CFAP52: variants seen among roughly 807,000 people sequenced by gnomAD.
The protein encoded by CFAP52 is cilia- and flagella-associated protein 52.
Under a neutral mutation model 70.5 loss-of-function variants are expected in CFAP52, and 57 were observed. The observed-to-expected ratio is 0.81, with a 90% CI of 0.65 to 1.01. The LOEUF is 1.01. Among genes scored for constraint, CFAP52 ranks in the 50% least tolerant of loss-of-function variants. CFAP52 has a pLI of 0.00. For missense variants in CFAP52, 785 were observed against 788.5 expected (o/e 1.00, Z 0.05); for synonymous variants, 267 against 292.5 (o/e 0.91, Z 0.89).
intron 7 of CFAP52, among the ~76,000 whole-genome samples, chr17:9,608,725 A>G (rs544040172): frequency 9.2e-5 from 14 of 152,318 alleles, no homozygotes; most frequent in African/African-American, 3.4e-4. Flanking sequence ...TGGCTCATTT[A>G]ATTAAAATAA....
At chr17:9,614,808 C>T (rs990628259) in intron 8 of CFAP52, among the ~76,000 whole-genome samples, 13 of 152,138 alleles carry the variant, frequency 8.5e-5, no homozygotes, top group African/African-American at 2.7e-4. Flanking sequence ...GCAATTATGA[C>T]GACCAAAAAA....
chr17:9,628,606 G>T (rs769230477), intron 8 of CFAP52, 66 bp from the exon 9 acceptor site: 225 of 1,571,012 alleles, frequency 1.4e-4, no homozygotes, highest in Admixed American at 3.6e-4. Flanking sequence ...AACACATTTT[G>T]GTGTCAAATA....
At chr17:9,616,048 C>G (rs938701572) in intron 8 of CFAP52, among the ~76,000 whole-genome samples, 1 of 150,904 alleles carries the variant, frequency 6.6e-6, no homozygotes, top group Admixed American at 6.6e-5. Context: ...GCGTGAGCGA[C>G]GCAGAAGACG....
intron 1 of CFAP52, among the ~76,000 whole-genome samples, chr17:9,579,658 C>T (rs1462986662): frequency 6.6e-6 from 1 of 152,222 alleles, no homozygotes; most frequent in Non-Finnish European, 1.5e-5. Flanking sequence ...ACCTCTGCCT[C>T]ATGGGTTCAA....
At position 9,643,034 on chromosome 17, in the gene CFAP52, C is replaced by T. The variant is rs1322240234; in HGVS notation, c.1699C>T (p.His567Tyr). The change falls in exon 14 of 14, where the codon CAT (histidine) becomes TAT (tyrosine). Residue 567 changes from histidine (H) to tyrosine (Y), a missense_variant. Transcript: ENST00000352665. ...TTTATCTTTTTCAGGTGGAAATGAC[C>T]ATCTGGTCAAAGTTTGGGATTATAA... The part of the protein sequence containing the change: ...GVHFVTGGND[H>Y]LVKVWDYNEG... The T allele has an allele frequency of 6.3e-7, 1 of 1,597,586 alleles. No individual in the cohort carries two copies. Among genetic ancestry groups the T allele is most frequent in the East Asian group, 2.3e-5 (1 of 44,258 alleles).
chr17:9,622,338 A>G (rs1363717292), intron 8 of CFAP52, among the ~76,000 whole-genome samples: 1 of 152,170 alleles, frequency 6.6e-6, no homozygotes, highest in Non-Finnish European at 1.5e-5. Flanking sequence ...ATTAAAGCCC[A>G]GGAGTTTGAG....
intron 3 of CFAP52, among the ~76,000 whole-genome samples, chr17:9,592,496 C>A (rs1249094391): frequency 6.6e-6 from 1 of 151,872 alleles, no homozygotes; most frequent in Non-Finnish European, 1.5e-5. Flanking sequence ...AAAAAGAAAC[C>A]CCGTACCCAT....
At chr17:9,638,748 G>A (rs376365674) in intron 12 of CFAP52, 37 bp downstream of exon 12, 92 of 1,601,970 alleles carry the variant, frequency 5.7e-5, no homozygotes, top group African/African-American at 2.3e-4. Context: ...TCTTTCCAGC[G>A]CAAGAGAAAA....
At chr17:9,640,472 A>G (rs1911003841) in intron 12 of CFAP52, among the ~76,000 whole-genome samples, 2 of 136,450 alleles carry the variant, frequency 1.5e-5, no homozygotes, top group African/African-American at 2.8e-5. Context: ...TTCAGCTTCC[A>G]CTTGTAAGTG....
intron 11 of CFAP52, among the ~76,000 whole-genome samples, chr17:9,636,192 AAAGAAAG>A (rs200987134): frequency 4.4e-4 from 48 of 110,166 alleles, no homozygotes; most frequent in Admixed American, 8.8e-4. Context: ...AGAAAGAAAG[AAAGAAAG>A]AAAGAAAGAA....
chr17:9,610,586 G>A (rs1294306175), intron 7 of CFAP52, among the ~76,000 whole-genome samples: 1 of 151,892 alleles, frequency 6.6e-6, no homozygotes, highest in Non-Finnish European at 1.5e-5. Context: ...CCAGGCTGGA[G>A]TGCAATGACG....
At chr17:9,576,992 C>A (rs1392521736) in intron 1 of CFAP52, among the ~76,000 whole-genome samples, 1 of 152,200 alleles carries the variant, frequency 6.6e-6, no homozygotes, top group East Asian at 1.9e-4. Flanking sequence ...TTTTTACCAG[C>A]TCGGACAAGC....
At chr17:9,624,367 A>G (rs1910162272) in intron 8 of CFAP52, among the ~76,000 whole-genome samples, 2 of 152,060 alleles carry the variant, frequency 1.3e-5, no homozygotes, top group African/African-American at 4.8e-5. Context: ...AATTTTTAAA[A>G]TCTTTTTAAA....
chr17:9,642,883 G>T (rs1431275099), intron 13 of CFAP52, 140 bp from the exon 14 acceptor site: 3 of 756,824 alleles, frequency 4.0e-6, no homozygotes, highest in Non-Finnish European at 5.8e-6. Flanking sequence ...GCAACAGATA[G>T]ATTTTTATAA....
At chr17:9,583,270 A>G (rs1340137670) in intron 1 of CFAP52, among the ~76,000 whole-genome samples, 1 of 151,902 alleles carries the variant, frequency 6.6e-6, no homozygotes, top group Non-Finnish European at 1.5e-5. Flanking sequence ...GGAACACTCA[A>G]TTAAAATGAA....
At chr17:9,608,277 CT>C in intron 7 of CFAP52, 58 bp downstream of exon 7, 1 of 1,366,600 alleles carries the variant, frequency 7.3e-7, no homozygotes, top group South Asian at 1.7e-5. Flanking sequence ...CGGAGATTTG[CT>C]TAAAGCCAGC....
intron 6 of CFAP52, among the ~76,000 whole-genome samples, chr17:9,604,660 A>G (rs1316246900): frequency 1.3e-5 from 2 of 151,626 alleles, no homozygotes; most frequent in Non-Finnish European, 1.5e-5. Context: ...CCCAGCTACT[A>G]GGGAGGCTGA....
chr17:9,630,426 A>ATTTTTT (rs560084144), intron 9 of CFAP52, among the ~76,000 whole-genome samples: 56 of 127,828 alleles, frequency 4.4e-4, no homozygotes, highest in African/African-American at 1.5e-3. Context: ...AATTTTTGTA[A>ATTTTTT]TTTTTTTTTT....
intron 1 of CFAP52, among the ~76,000 whole-genome samples, chr17:9,578,735 G>A (rs956818329): frequency 5.3e-5 from 8 of 152,064 alleles, no homozygotes; most frequent in East Asian, 1.9e-4. Flanking sequence ...TAGTAGAGAC[G>A]GGGTTTCACC....
Sources: gnomAD v4.1 joint callset for allele counts (sites outside exome capture counted in the v4.1 genomes callset) on GRCh38, gnomAD v4.1.1 for gene constraint, MANE v1.5 for transcripts, NCBI Gene and HGNC (gene_info 2026-07-23, HGNC 2026-07-21) for gene names.